The following BICC1 variants were observed in gnomAD, a reference collection of about 807,000 sequenced individuals.
The protein encoded by BICC1 is BicC family RNA binding protein 1, also known as protein bicaudal C homolog 1.
BICC1 carries 43 observed loss-of-function variants against 111.0 expected under a neutral mutation model. The ratio of observed to expected loss-of-function variants is 0.39; its 90% CI spans 0.30 to 0.50. The LOEUF (loss-of-function observed/expected upper bound fraction) is 0.50. Among genes scored for constraint, BICC1 ranks in the 20% least tolerant of loss-of-function variants. The pLI is 0.88. For missense variants in BICC1, 1,091 were observed against 1,203.2 expected (o/e 0.91, Z 1.38); for synonymous variants, 467 against 434.4 (o/e 1.07, Z -0.93).
At chr10:58,544,142 C>A (rs1843073010) in intron 1 of BICC1, among the ~76,000 whole-genome samples, 1 of 152,040 alleles carries the variant, frequency 6.6e-6, no homozygotes. Flanking sequence ...AAGCCTGAGT[C>A]CTGTGGTAAC....
At chr10:58,718,785 T>C (rs892119951) in intron 3 of BICC1, among the ~76,000 whole-genome samples, 2 of 117,536 alleles carry the variant, frequency 1.7e-5, no homozygotes, top group African/African-American at 3.7e-5. Context: ...CGTGCGCGCG[T>C]GCGCACGCCC....
At chr10:58,521,266 C>T (rs1381333034) in intron 1 of BICC1, among the ~76,000 whole-genome samples, 1 of 152,104 alleles carries the variant, frequency 6.6e-6, no homozygotes, top group African/African-American at 2.4e-5. Context: ...TTTGGCTTCT[C>T]ATCTCTAAAA....
intron 1 of BICC1, among the ~76,000 whole-genome samples, chr10:58,570,378 T>A (rs1263466014): frequency 6.6e-6 from 1 of 152,200 alleles, no homozygotes; most frequent in Non-Finnish European, 1.5e-5. Flanking sequence ...TTTTCCTGGC[T>A]TGCTGCCCTC....
intron 20 of BICC1, among the ~76,000 whole-genome samples, chr10:58,826,435 G>T (rs888166463): frequency 6.6e-6 from 1 of 152,120 alleles, no homozygotes; most frequent in African/African-American, 2.4e-5. Flanking sequence ...GAAAAAAAAT[G>T]CCACAAAGGA....
chr10:58,550,722 G>T (rs1843274094), intron 1 of BICC1, among the ~76,000 whole-genome samples: 1 of 152,056 alleles, frequency 6.6e-6, no homozygotes, highest in African/African-American at 2.4e-5. Context: ...TCGCCTTTCT[G>T]TGTTTTTCAT....
chr10:58,602,562 A>T (rs1366549153), intron 1 of BICC1, among the ~76,000 whole-genome samples: 1 of 152,208 alleles, frequency 6.6e-6, no homozygotes, highest in Non-Finnish European at 1.5e-5. Context: ...AAAACAAATG[A>T]TTCTTTTCAG....
intron 1 of BICC1, among the ~76,000 whole-genome samples, chr10:58,607,811 G>C (rs1324284645): frequency 6.6e-6 from 1 of 152,152 alleles, no homozygotes; most frequent in Non-Finnish European, 1.5e-5. Context: ...CTGCTACATG[G>C]CTGTCTTATG....
intron 1 of BICC1, among the ~76,000 whole-genome samples, chr10:58,520,974 T>C (rs1000153759): frequency 2.6e-5 from 4 of 152,122 alleles, no homozygotes; most frequent in Admixed American, 1.3e-4. Context: ...TTACTGGCCC[T>C]ACCCTTCTGT....
At chr10:58,647,733 C>G (rs1161850364) in intron 2 of BICC1, among the ~76,000 whole-genome samples, 1 of 151,962 alleles carries the variant, frequency 6.6e-6, no homozygotes, top group Non-Finnish European at 1.5e-5. Context: ...CTACCCTGCA[C>G]CATTGCAAGA....
chr10:58,777,735 A>G (rs1014558061), intron 3 of BICC1, among the ~76,000 whole-genome samples: 1 of 151,384 alleles, frequency 6.6e-6, no homozygotes, highest in African/African-American at 2.4e-5. Flanking sequence ...TTTCATTTGG[A>G]AAAAAAAAGA....
chr10:58,677,703 C>A (rs1472885478), intron 2 of BICC1, among the ~76,000 whole-genome samples: 2 of 152,098 alleles, frequency 1.3e-5, no homozygotes, highest in African/African-American at 2.4e-5. Context: ...GAGAACACCA[C>A]AAAGTTACTC....
chr10:58,662,701 A>G (rs1838882580), intron 2 of BICC1, among the ~76,000 whole-genome samples: 2 of 152,196 alleles, frequency 1.3e-5, no homozygotes, highest in South Asian at 4.1e-4. Flanking sequence ...GGAAAGAACT[A>G]TTTTGTTGAC....
rs191729600 is a variant in BICC1, at chr10:58,570,350, T to C, written c.191-50505T>C. 1.8e-3 allele frequency among the ~76,000 whole-genome samples: 271 copies of C among 152,332 alleles called. 2 individuals carry two copies. Among genetic ancestry groups the C allele is most frequent in the African/African-American group, 6.2e-3 (258 of 41,586 alleles). ...TGTAACATTGAAATGCATGCTGTTA[T>C]GTGATGCCAGCATGTGCTTTTCCTG... is the stretch of plus-strand genomic sequence containing the variant. On this transcript the variant is annotated intron_variant, in intron 1 of 20. Transcript: ENST00000373886.
At chr10:58,519,956 G>T (rs994527907) in intron 1 of BICC1, among the ~76,000 whole-genome samples, 2 of 152,092 alleles carry the variant, frequency 1.3e-5, no homozygotes, top group East Asian at 3.9e-4. Flanking sequence ...ACACATGTCA[G>T]ATTTGGTTTA....
chr10:58,804,116 CCTT>C (rs1470332098), intron 15 of BICC1, among the ~76,000 whole-genome samples: 4 of 152,100 alleles, frequency 2.6e-5, no homozygotes, highest in African/African-American at 4.8e-5. Flanking sequence ...GTTTAGTCCT[CCTT>C]CTCTATTTTT....
At chr10:58,602,419 C>T (rs1269337828) in intron 1 of BICC1, among the ~76,000 whole-genome samples, 1 of 152,120 alleles carries the variant, frequency 6.6e-6, no homozygotes, top group Non-Finnish European at 1.5e-5. Context: ...ACTCTTCAAG[C>T]ATTGTTTGAA....
rs545904093 is a variant in BICC1 at position 58,738,834 on chromosome 10, T to C, written c.307+36691T>C. On this transcript the variant is annotated intron_variant, in intron 3 of 20. Transcript: ENST00000373886. ...TTGTAAGTTGGATTCCTAGGTATTT[T>C]ATTCTCTTTGAAGCAATTGTGAATG... 2.5e-3 allele frequency among the ~76,000 whole-genome samples: 382 copies of C among 152,144 alleles called. 3 individuals are homozygous for C. The highest frequency in any genetic ancestry group is 8.7e-3 in the African/African-American group (359 of 41,486).
intron 3 of BICC1, among the ~76,000 whole-genome samples, chr10:58,713,791 A>T (rs1485160384): frequency 1.3e-5 from 2 of 152,240 alleles, no homozygotes; most frequent in East Asian, 3.8e-4. Flanking sequence ...GAAGTGTGCT[A>T]GACCTCTGTC....
At chr10:58,569,875 A>G (rs1371165643) in intron 1 of BICC1, among the ~76,000 whole-genome samples, 2 of 152,188 alleles carry the variant, frequency 1.3e-5, no homozygotes, top group African/African-American at 4.8e-5. Context: ...TCTTTATAGT[A>G]GAATGATTTA....
Sources: allele counts gnomAD v4.1 joint callset (sites outside exome capture counted in the v4.1 genomes callset), GRCh38; gene constraint gnomAD v4.1.1; transcripts MANE v1.5; gene names NCBI Gene and HGNC (gene_info 2026-07-23, HGNC 2026-07-21).